Variants in ZNF470 observed in about 807,000 individuals in gnomAD.
ZNF470 encodes chondrogenesis zinc finger protein 1.
In ZNF470, 13 loss-of-function variants were observed where a neutral mutation model predicts 13.9. The ratio of observed to expected loss-of-function variants is 0.94; its 90% CI spans 0.61 to 1.49. The LOEUF is 1.49. ZNF470 is among the 40% of genes most tolerant of loss of function. The pLI is 0.00. For synonymous variants in ZNF470, 293 were observed against 282.9 expected, an observed-to-expected ratio of 1.04 and a Z score of -0.36; for missense variants, 929 against 857.3, an observed-to-expected ratio of 1.08 and a Z score of -1.04.
rs2044423970 is a variant in ZNF470 at position 56,568,025 on chromosome 19, G to C, written c.-172G>C. On this transcript the variant is annotated 5_prime_UTR_variant, in exon 1 of 6. Coordinates refer to ENST00000330619, the MANE Select transcript of ZNF470 (RefSeq NM_001001668.4). ...GACGGCGAGGAGCGAAGACCATGGG[G>C]ACTGAGTACACAGGTAAGAGTGACA... The C allele has an allele frequency of 1.0e-6, 1 of 985,750 alleles. No homozygotes were observed. The highest frequency in any genetic ancestry group is 1.2e-6 in the Non-Finnish European group (1 of 830,142). The allele number at this position is 985,750 out of a possible 1,614,324, so 61.1% of individuals were successfully genotyped here. A position where few individuals can be genotyped will look rare whatever the true frequency, so the allele number is the denominator to read the frequency against.
rs1004224524 is a variant in ZNF470 at position 56,579,105 on chromosome 19, G to A, written c.*522G>A. ...CAACTCTCACTTTACCTGACACTGA[G>A]AAGTGAGAATCAGCCAATTAGAACA... On this transcript the variant is annotated 3_prime_UTR_variant, in exon 6 of 6. Transcript: ENST00000330619. 1.5e-5 allele frequency: 15 copies of A among 985,450 alleles called. No individual in the cohort carries two copies. The Admixed American group carries it at 7.4e-4, about 48-fold the overall frequency. The allele number at this position is 985,450 out of a possible 1,614,324, so 61.0% of individuals were successfully genotyped here.
Position 56,577,015 on chromosome 19 carries a change from G to T in ZNF470, c.586G>T (p.Glu196Ter). 6.3e-7 allele frequency: 1 copy of T among 1,582,480 alleles called. No homozygotes were observed. The stretch of plus-strand genomic sequence containing the variant: ...TTATATAAAACAGATTTTTCCCATG[G>T]AAGAGAGAATATTTAATTTTCATAC... ...LSYIKQIFPM[E>*]ERIFNFHTDK... The change falls in exon 6 of 6, where the codon GAA becomes TAA. Residue 196 changes from glutamate to a stop codon, truncating the protein, a stop_gained. Transcript: ENST00000330619. LOFTEE classifies it low-confidence loss of function (END_TRUNC).
chr19:56,581,186 C>T lies in ZNF470; in HGVS notation c.*2603C>T. 1 of 731,324 alleles carries T rather than the reference C, an allele frequency of 1.4e-6. No homozygotes were observed. The highest frequency in any genetic ancestry group is 1.7e-6 in the Non-Finnish European group (1 of 598,498). The allele number at this position is 731,324 out of a possible 1,614,324, so 45.3% of individuals were successfully genotyped here. On this transcript the variant is annotated 3_prime_UTR_variant, in exon 6 of 6. Coordinates refer to ENST00000330619, the MANE Select transcript of ZNF470 (RefSeq NM_001001668.4). ...ATTACAAACCAATAATAATCTGCAA[C>T]TTAGAAAAATGGACTAATGTCCCAT...
At position 56,577,994 on chromosome 19, in the gene ZNF470, C is replaced by T. The variant is rs1296036444; in HGVS notation, c.1565C>T (p.Ala522Val). Residue 522 changes from alanine (A) to valine (V), a missense_variant, in exon 6 of 6, where the codon GCA (alanine) becomes GTA (valine). Physicochemically the swap from Ala to Val is moderately conservative, Grantham distance 64. Transcript: ENST00000330619. ...TGCAGCAAAACCTTCAGCCAGAATG[C>T]ACACCTCGCGCAACATCAGAAAATA... ...KECSKTFSQNAHLAQHQKIHT... is the reference protein window; with the variant it reads ...KECSKTFSQNVHLAQHQKIHT... 2 of 1,613,386 alleles carry T rather than the reference C, an allele frequency of 1.2e-6. No homozygotes were observed. The highest frequency in any genetic ancestry group is 8.5e-7 in the Non-Finnish European group (1 of 1,179,468).
rs531938250 is a variant in ZNF470, at chr19:56,570,773, C to T, written c.60+402C>T. Among the ~76,000 whole-genome samples, 64 of 152,286 alleles carry T rather than the reference C, an allele frequency of 4.2e-4. 1 individual carries two copies. Among genetic ancestry groups the T allele is most frequent in the Non-Finnish European group, 3.5e-4 (24 of 68,022 alleles). On this transcript the variant is annotated intron_variant, in intron 3 of 5. Transcript: ENST00000330619. Reference sequence around the variant, plus strand: ...GAAATGAAAAGGCAGCAAACACTTACGCAGTGTGAGAAGTGCTGCAAGCAG... The same window carrying T: ...GAAATGAAAAGGCAGCAAACACTTATGCAGTGTGAGAAGTGCTGCAAGCAG...
rs561493686 is a variant in ZNF470 at position 56,568,769 on chromosome 19, GA to G, written c.-145del. 18 of 152,272 alleles carry G rather than the reference GA, an allele frequency of 1.2e-4. No individual in the cohort carries two copies. The highest frequency in any genetic ancestry group is 4.1e-4 in the African/African-American group (17 of 41,532). The allele number at this position is 152,272 out of a possible 1,614,324, so 9.4% of individuals were successfully genotyped here. Reference sequence around the variant, plus strand: ...CCTCTTTTTTACAGATGAAGACACAGAAGCATAGAGAGGATAAGTAATCACT... The same window carrying G: ...CCTCTTTTTTACAGATGAAGACACAGAGCATAGAGAGGATAAGTAATCACT... On this transcript the variant is annotated 5_prime_UTR_variant, in exon 2 of 6. An upstream open reading frame in the 5' UTR loses its in-frame stop. Coordinates refer to ENST00000330619, the MANE Select transcript of ZNF470 (RefSeq NM_001001668.4).
At chr19:56,568,469 C>T (rs1030190378) in intron 1 of ZNF470, among the ~76,000 whole-genome samples, 12 of 152,154 alleles carry the variant, frequency 7.9e-5, no homozygotes, top group Non-Finnish European at 1.8e-4. Context: ...CGAGGCATTC[C>T]AGCCTTTCTA....
At position 56,579,797 on chromosome 19, in the gene ZNF470, A is replaced by G; in HGVS notation, c.*1214A>G. Reference sequence around the variant, plus strand: ...TCTGTATAGAAAATCTGATAAAAATATTTCTCCCTAAATTGTAAATTCATT... The same window carrying G: ...TCTGTATAGAAAATCTGATAAAAATGTTTCTCCCTAAATTGTAAATTCATT... On this transcript the variant is annotated 3_prime_UTR_variant, in exon 6 of 6. Transcript: ENST00000330619. 1.1e-6 allele frequency: 1 copy of G among 918,652 alleles called. No homozygotes were observed. The highest frequency in any genetic ancestry group is 1.8e-5 in the African/African-American group (1 of 55,960). The allele number at this position is 918,652 out of a possible 1,614,324, so 56.9% of individuals were successfully genotyped here. A position where few individuals can be genotyped will look rare whatever the true frequency, so the allele number is the denominator to read the frequency against.
chr19:56,572,340 C>CAAAAAA (rs564410370), intron 3 of ZNF470, among the ~76,000 whole-genome samples: 7 of 16,408 alleles, frequency 4.3e-4, no homozygotes, highest in African/African-American at 7.3e-4. Flanking sequence ...CCTGTCTCTA[C>CAAAAAA]AAAAAAAAAA....
chr19:56,572,340 CAAAAAAAAAA>C (rs564410370), intron 3 of ZNF470, among the ~76,000 whole-genome samples: 5 of 16,406 alleles, frequency 3.0e-4, no homozygotes, highest in African/African-American at 2.2e-3. Context: ...CCTGTCTCTA[CAAAAAAAAAA>C]AAAAAAAAAA....
intron 5 of ZNF470, among the ~76,000 whole-genome samples, chr19:56,575,540 T>C (rs544651707): frequency 2.6e-5 from 4 of 152,196 alleles, no homozygotes; most frequent in Admixed American, 2.6e-4. Context: ...CAGAAATATA[T>C]TGCAAGAAAA....
Position 56,576,754 on chromosome 19 carries a change from C to T in ZNF470, c.325C>T (p.Gln109Ter), listed in dbSNP as rs552927263. Reference protein sequence around the residue: ...VWVTKSLSLNQDIYEEKLPPA... With the variant: ...VWVTKSLSLN ...GGTGACCAAATCATTATCTTTAAAC[C>T]AGGATATTTATGAAGAAAAATTACC... Residue 109 changes from glutamine to a stop codon, truncating the protein, a stop_gained, in exon 6 of 6, where the codon CAG becomes TAG. Transcript: ENST00000330619. LOFTEE classifies it low-confidence loss of function (END_TRUNC). 1 of 1,504,158 alleles carries T rather than the reference C, an allele frequency of 6.6e-7. No homozygotes were observed. The highest frequency in any genetic ancestry group is 1.4e-5 in the African/African-American group (1 of 71,340). The allele number at this position is 1,504,158 out of a possible 1,614,324, so 93.2% of individuals were successfully genotyped here.
Position 56,577,457 on chromosome 19 carries a change from T to C in ZNF470, c.1028T>C (p.Ile343Thr). 1 of 1,613,204 alleles carries C rather than the reference T, an allele frequency of 6.2e-7. No homozygotes were observed. Among genetic ancestry groups the C allele is most frequent in the Non-Finnish European group, 8.5e-7 (1 of 1,179,480 alleles). ...VHTGEKPYEC[I>T]ECGKAFSDCS... Reference sequence around the variant, plus strand: ...ACTGGAGAGAAACCCTATGAATGTATTGAATGTGGGAAGGCTTTTAGTGAT... The same window carrying C: ...ACTGGAGAGAAACCCTATGAATGTACTGAATGTGGGAAGGCTTTTAGTGAT... Residue 343 changes from isoleucine (I) to threonine (T), a missense_variant, in exon 6 of 6, where the codon ATT becomes ACT. Transcript: ENST00000330619.
intron 5 of ZNF470, among the ~76,000 whole-genome samples, chr19:56,575,106 G>A (rs910307357): frequency 6.6e-6 from 1 of 152,050 alleles, no homozygotes; most frequent in Non-Finnish European, 1.5e-5. Context: ...GAGTTAACAT[G>A]TATTACAGCT....
Position 56,577,411 on chromosome 19 carries a change from G to A in ZNF470, c.982G>A (p.Ala328Thr). Reference sequence around the variant, plus strand: ...AGCATTCAGCCAGCTTGCACACCTTGCTCAACATCAGAGGGTCCACACTGG... The same window carrying A: ...AGCATTCAGCCAGCTTGCACACCTTACTCAACATCAGAGGGTCCACACTGG... ...NKAFSQLAHL[A>T]QHQRVHTGEK... Residue 328 changes from alanine to threonine, a missense_variant, in exon 6 of 6, where the codon GCT becomes ACT. Physicochemically the swap from Ala to Thr is moderately conservative, Grantham distance 58. Coordinates refer to ENST00000330619, the MANE Select transcript of ZNF470 (RefSeq NM_001001668.4). The A allele has an allele frequency of 6.2e-7, 1 of 1,613,862 alleles. No homozygotes were observed.
Position 56,577,078 on chromosome 19 carries a change from AAACAC to A in ZNF470, c.652_656del (p.His218AlafsTer12). 6.3e-7 allele frequency: 1 copy of A among 1,595,014 alleles called. No individual in the cohort carries two copies. The highest frequency in any genetic ancestry group is 8.5e-7 in the Non-Finnish European group (1 of 1,174,628). On this transcript the variant is annotated frameshift_variant, in exon 6 of 6. Transcript: ENST00000330619. LOFTEE classifies it low-confidence loss of function (END_TRUNC). ...CTTAAAAACACATTCAGTTGTGAAA[AAACAC>A]AAGCAAGACCGTGGAGAAAAGAAAC...
rs964378104 is a variant in ZNF470 at position 56,581,905 on chromosome 19, G to C, written c.*3322G>C. On this transcript the variant is annotated 3_prime_UTR_variant, in exon 6 of 6. Coordinates refer to ENST00000330619, the MANE Select transcript of ZNF470 (RefSeq NM_001001668.4). ...AGCTGATGCAGTTATTCTTTTGATTGGTCCTTGGAACCACCCTGGTTTTTG... is the reference window on the plus strand; with the variant it reads ...AGCTGATGCAGTTATTCTTTTGATTCGTCCTTGGAACCACCCTGGTTTTTG... 1.0e-6 allele frequency: 1 copy of C among 985,232 alleles called. No homozygotes were observed. The highest frequency in any genetic ancestry group is 1.7e-5 in the African/African-American group (1 of 57,208). The allele number at this position is 985,232 out of a possible 1,614,324, so 61.0% of individuals were successfully genotyped here. A position where few individuals can be genotyped will look rare whatever the true frequency, so the allele number is the denominator to read the frequency against.
Position 56,567,985 on chromosome 19 carries a change from G to T in ZNF470, c.-212G>T. 1 of 985,604 alleles carries T rather than the reference G, an allele frequency of 1.0e-6. No homozygotes were observed. 61.1% of individuals were successfully genotyped at this position (985,604 alleles called of 1,614,324 possible). On this transcript the variant is annotated 5_prime_UTR_variant, in exon 1 of 6. Transcript: ENST00000330619. Reference sequence around the variant, plus strand: ...TGGAAGGGGCAGAGCCCAGGACAGGGCTCCATGTCCACAGGACGGCGAGGA... The same window carrying T: ...TGGAAGGGGCAGAGCCCAGGACAGGTCTCCATGTCCACAGGACGGCGAGGA...
intron 4 of ZNF470, 37 bp from the exon 5 acceptor site, chr19:56,574,601 C>T: frequency 4.3e-6 from 7 of 1,611,572 alleles, no homozygotes; most frequent in African/African-American, 1.3e-5. Flanking sequence ...TAGTTTTCCA[C>T]AGCATAGGCA....
Sources: allele counts gnomAD v4.1 joint callset (sites outside exome capture counted in the v4.1 genomes callset), GRCh38; gene constraint gnomAD v4.1.1; transcripts MANE v1.5; gene names NCBI Gene and HGNC (gene_info 2026-07-23, HGNC 2026-07-21).